PDGFD: variants seen among roughly 807,000 people sequenced by gnomAD.
The protein encoded by PDGFD is platelet derived growth factor D, also known as platelet-derived growth factor D.
PDGFD carries 30 observed loss-of-function variants against 44.7 expected under a neutral mutation model. The ratio of observed to expected loss-of-function variants is 0.67; its 90% CI spans 0.50 to 0.91. The LOEUF is 0.91. PDGFD is among the 40% of genes least tolerant of loss of function. PDGFD has a pLI of 0.00. For missense variants in PDGFD, 445 were observed against 457.8 expected (o/e 0.97, Z 0.25); for synonymous variants, 173 against 168.4 (o/e 1.03, Z -0.21).
chr11:103,931,549 T>C (rs1858399135), intron 5 of PDGFD, among the ~76,000 whole-genome samples: 1 of 152,218 alleles, frequency 6.6e-6, no homozygotes, highest in Admixed American at 6.6e-5. Context: ...ATTAAACTGC[T>C]GCATGTCCTT....
chr11:104,128,102 T>TCCCCCCCCCCCC (rs1861864546), intron 1 of PDGFD, among the ~76,000 whole-genome samples: 1 of 148,856 alleles, frequency 6.7e-6, no homozygotes, highest in Non-Finnish European at 1.5e-5. Flanking sequence ...CATCCCAGCT[T>TCCCCCCCCCCCC]CCCCACCCAC....
chr11:104,050,152 C>T (rs1207532259), intron 1 of PDGFD, among the ~76,000 whole-genome samples: 3 of 152,120 alleles, frequency 2.0e-5, no homozygotes, highest in African/African-American at 4.8e-5. Flanking sequence ...TCATACAGCA[C>T]AGTTCTTGTC....
chr11:104,011,981 A>G (rs1354039011), intron 1 of PDGFD, among the ~76,000 whole-genome samples: 1 of 152,178 alleles, frequency 6.6e-6, no homozygotes, highest in African/African-American at 2.4e-5. Flanking sequence ...AGAAAATGCA[A>G]TTAAAAGCAG....
chr11:103,927,226 A>G lies in PDGFD; in HGVS notation c.773-100T>C, dbSNP rs943679735. ...AGAGTGGGAAGATTCTGTGAGGACA[A>G]CTTTAATCCTGGGATTAAATCCATC... is the stretch of plus-strand genomic sequence containing the variant. On this transcript the variant is annotated intron_variant, in intron 5 of 6. Transcript: ENST00000393158. 4 of 1,047,184 alleles carry G rather than the reference A, an allele frequency of 3.8e-6. No individual in the cohort carries two copies. The Admixed American group carries it at 6.2e-5, about 16-fold the overall frequency. 64.9% of individuals were successfully genotyped at this position (1,047,184 alleles called of 1,614,324 possible).
chr11:104,037,277 C>G (rs780865587), intron 1 of PDGFD: 1 of 1,613,418 alleles, frequency 6.2e-7, no homozygotes, highest in Non-Finnish European at 8.5e-7. Flanking sequence ...ATGCTGCTCT[C>G]CAACCCCCAC....
intron 1 of PDGFD, among the ~76,000 whole-genome samples, chr11:104,145,201 C>T (rs970759575): frequency 5.9e-5 from 9 of 152,260 alleles, no homozygotes; most frequent in Admixed American, 3.3e-4. Context: ...TCTTGTTACC[C>T]TTAATCATTA....
At chr11:103,996,313 A>G (rs1003142894) in intron 2 of PDGFD, 68 bp from the exon 3 acceptor site, 2 of 1,329,996 alleles carry the variant, frequency 1.5e-6, no homozygotes, top group Non-Finnish European at 2.1e-6. Flanking sequence ...ACTTTCACTG[A>G]GAAATTAAAA....
chr11:103,956,818 G>T (rs1858858547), intron 3 of PDGFD, among the ~76,000 whole-genome samples: 1 of 152,112 alleles, frequency 6.6e-6, no homozygotes, highest in Non-Finnish European at 1.5e-5. Flanking sequence ...GCCAGTGATG[G>T]TGAACATTTT....
In PDGFD at chr11:103,979,189, G is replaced by A. The variant is rs560161586; in HGVS notation, c.510+16876C>T. ...TCTATAGCTAAAGCCTGAAGTCTTT[G>A]GCCAAATTTCTTTCTTTCCTTTAGC... On this transcript the variant is annotated intron_variant, in intron 3 of 6. Coordinates refer to ENST00000393158, the MANE Select transcript of PDGFD (RefSeq NM_025208.5). Among the ~76,000 whole-genome samples the A allele has an allele frequency of 4.6e-5, 7 of 152,084 alleles. No individual in the cohort carries two copies. In the South Asian group the frequency reaches 1.4e-3, roughly 31 times the overall value.
At chr11:104,035,886 T>C (rs780862765) in intron 1 of PDGFD, among the ~76,000 whole-genome samples, 1 of 152,162 alleles carries the variant, frequency 6.6e-6, no homozygotes, top group Non-Finnish European at 1.5e-5. Context: ...CTCTGTTCTG[T>C]TGGTGATACT....
intron 6 of PDGFD, among the ~76,000 whole-genome samples, chr11:103,917,441 C>T (rs893051235): frequency 6.6e-6 from 1 of 152,108 alleles, no homozygotes; most frequent in African/African-American, 2.4e-5. Context: ...TATACATAGT[C>T]AGATTAATAT....
At chr11:104,159,086 G>C (rs1048950878) in intron 1 of PDGFD, among the ~76,000 whole-genome samples, 1 of 150,098 alleles carries the variant, frequency 6.7e-6, no homozygotes, top group Non-Finnish European at 1.5e-5. Flanking sequence ...CTGGGAGGCG[G>C]AGGTTGCAGT....
At chr11:104,028,278 T>TA (rs1285441090) in intron 1 of PDGFD, among the ~76,000 whole-genome samples, 6 of 151,844 alleles carry the variant, frequency 4.0e-5, no homozygotes, top group Non-Finnish European at 1.5e-5. Flanking sequence ...TATTTTAGTT[T>TA]AAAAAATCCA....
chr11:104,144,221 AT>A (rs1162504047), intron 1 of PDGFD, among the ~76,000 whole-genome samples: 1 of 152,184 alleles, frequency 6.6e-6, no homozygotes, highest in Non-Finnish European at 1.5e-5. Context: ...TTTATTCCAA[AT>A]GCTGAAACAA....
At chr11:103,926,421 G>A (rs928661651) in intron 6 of PDGFD, among the ~76,000 whole-genome samples, 4 of 152,148 alleles carry the variant, frequency 2.6e-5, no homozygotes, top group African/African-American at 9.7e-5. Context: ...AAAATAAACT[G>A]AGCATTTCCG....
In PDGFD at chr11:104,035,998, G is replaced by A. The variant is rs536052564; in HGVS notation, c.125-35743C>T. 3.3e-5 allele frequency among the ~76,000 whole-genome samples: 5 copies of A among 152,260 alleles called. No individual in the cohort carries two copies. In the South Asian group the frequency reaches 1.0e-3, roughly 32 times the overall value. On this transcript the variant is annotated intron_variant, in intron 1 of 6. Transcript: ENST00000393158. Reference sequence around the variant, plus strand: ...CTTTCCAGAAATGTGAGCTCCTCAAGGGCAGGCTCCAAATCTGACTTTCCT... The same window carrying A: ...CTTTCCAGAAATGTGAGCTCCTCAAAGGCAGGCTCCAAATCTGACTTTCCT...
intron 1 of PDGFD, among the ~76,000 whole-genome samples, chr11:104,115,342 T>C (rs954313222): frequency 6.7e-6 from 1 of 149,948 alleles, no homozygotes; most frequent in African/African-American, 2.4e-5. Context: ...TATGTGTATA[T>C]AAATATACAC....
chr11:104,097,497 G>A (rs1220694718), intron 1 of PDGFD, among the ~76,000 whole-genome samples: 1 of 152,100 alleles, frequency 6.6e-6, no homozygotes, highest in Non-Finnish European at 1.5e-5. Context: ...GCTGATAAAA[G>A]AACATGAGCA....
intron 1 of PDGFD, among the ~76,000 whole-genome samples, chr11:104,094,198 C>T (rs571494863): frequency 1.3e-5 from 2 of 152,128 alleles, no homozygotes; most frequent in East Asian, 1.9e-4. Flanking sequence ...TCGTGGCCAT[C>T]GTATCAGCAC....
Sources: gnomAD v4.1 joint callset for allele counts (sites outside exome capture counted in the v4.1 genomes callset) on GRCh38, gnomAD v4.1.1 for gene constraint, MANE v1.5 for transcripts, NCBI Gene and HGNC (gene_info 2026-07-23, HGNC 2026-07-21) for gene names.